Variants in PLXND1 observed in about 807,000 individuals in gnomAD.
PLXND1 encodes the protein plexin-D1.
Under a neutral mutation model 197.7 loss-of-function variants are expected in PLXND1, and 54 were observed. The ratio of observed to expected loss-of-function variants is 0.27; its 90% confidence interval spans 0.22 to 0.34. The LOEUF (loss-of-function observed/expected upper bound fraction) is 0.34, where lower values mean the gene tolerates loss of function less well. Among genes scored for constraint, PLXND1 ranks in the 10% least tolerant of loss-of-function variants. The pLI is 1.00. For synonymous variants in PLXND1, 1,180 were observed against 1,161.2 expected, an observed-to-expected ratio of 1.02 and a Z score of -0.33; for missense variants, 2,127 against 2,699.2, an observed-to-expected ratio of 0.79 and a Z score of 4.70.
chr3:129,560,905 A>T (rs898673291), intron 29 of PLXND1, 182 bp from the exon 30 acceptor site: 12 of 685,562 alleles, frequency 1.8e-5, no homozygotes, highest in Non-Finnish European at 3.2e-5. Flanking sequence ...AGACAGTCAG[A>T]GAGAATGAGA....
rs771323055 is a variant in PLXND1, at chr3:129,557,052, GC to G, written c.5586+30del. The G allele has an allele frequency of 1.2e-5, 20 of 1,610,328 alleles. No individual in the cohort carries two copies. Among genetic ancestry groups the G allele is most frequent in the Admixed American group, 5.0e-5 (3 of 59,944 alleles). On this transcript the variant is annotated intron_variant, in intron 34 of 35. Coordinates refer to ENST00000324093, the MANE Select transcript of PLXND1 (RefSeq NM_015103.3). This position sits in a 1 kb window ranked among gnomAD's most constrained non-coding sequence, Gnocchi z 4.8. ...GACCCCCGATCCCTCAGCTCTTCAG[GC>G]CCCCATCCCCCGCCGCCGAGCCACC...
Position 129,571,600 on chromosome 3 carries a change from C to A in PLXND1, c.3246-1G>T. 1 of 1,613,992 alleles carries A rather than the reference C, an allele frequency of 6.2e-7. No homozygotes were observed. The highest frequency in any genetic ancestry group is 8.5e-7 in the Non-Finnish European group (1 of 1,179,996). On this transcript the variant is annotated splice_acceptor_variant, in intron 16 of 35. Coordinates refer to ENST00000324093, the MANE Select transcript of PLXND1 (RefSeq NM_015103.3). LOFTEE classifies it high-confidence loss of function. ...AGCCACTGTGATGGTCCTGCCGCCA[C>A]TGCGGGGGACAGCAAAACCTATCAG...
rs2084964344 is a variant in PLXND1, at chr3:129,555,753, G to T, written c.*559C>A. The T allele has an allele frequency of 4.1e-6, 2 of 481,940 alleles. No individual in the cohort carries two copies. Among genetic ancestry groups the T allele is most frequent in the African/African-American group, 2.0e-5 (1 of 49,176 alleles). The allele number at this position is 481,940 out of a possible 1,614,324, so 29.9% of individuals were successfully genotyped here. On this transcript the variant is annotated 3_prime_UTR_variant, in exon 36 of 36. Coordinates refer to ENST00000324093, the MANE Select transcript of PLXND1 (RefSeq NM_015103.3). Reference sequence around the variant, plus strand: ...GCGGGCACTGCCCACTCTACCAACAGCCGCCCAAGCAACAAAAATCTGACA... The same window carrying T: ...GCGGGCACTGCCCACTCTACCAACATCCGCCCAAGCAACAAAAATCTGACA...
In PLXND1 at chr3:129,562,915, C is replaced by A. The variant is rs372633629; in HGVS notation, c.4697G>T (p.Gly1566Val). The change falls in exon 27 of 36, where the codon GGC becomes GTC. Residue 1566 changes from glycine to valine, a missense_variant. By Grantham distance (109) the Gly-to-Val change is moderately radical. Around this residue, in one of 6 missense-constraint regions of PLXND1, gnomAD observed 532 missense variants for 811.0 expected, o/e 0.66. Coordinates refer to ENST00000324093, the MANE Select transcript of PLXND1 (RefSeq NM_015103.3). ...RNLNVSFQGC[G>V]MDSLSVRAMD... is the part of the protein sequence containing the mutation. ...GGCCCGCACGCTCAGCGAGTCCATG[C>A]CACAGCCCTGGAAGGACACGTTCAG... 1.9e-6 allele frequency: 3 copies of A among 1,606,478 alleles called. No homozygotes were observed. In the South Asian group the frequency reaches 3.3e-5, roughly 18 times the overall value.
chr3:129,588,442 A>G (rs1474712611), intron 2 of PLXND1, among the ~76,000 whole-genome samples: 1 of 150,720 alleles, frequency 6.6e-6, no homozygotes, highest in Non-Finnish European at 1.5e-5. Context: ...CAAGTCACCA[A>G]GCTGGAAGCA....
At chr3:129,589,153 C>T (rs1398409154) in intron 2 of PLXND1, among the ~76,000 whole-genome samples, 198 bp downstream of exon 2, 2 of 152,194 alleles carry the variant, frequency 1.3e-5, no homozygotes, top group African/African-American at 4.8e-5. Flanking sequence ...TCTGTATGGA[C>T]GCCACCTATA....
intron 2 of PLXND1, 42 bp from the exon 3 acceptor site, chr3:129,586,761 G>A (rs1366343174): frequency 6.3e-7 from 1 of 1,585,614 alleles, no homozygotes; most frequent in East Asian, 2.3e-5. Flanking sequence ...GCCCATAGCA[G>A]GGGAGGCCAA....
Position 129,583,597 on chromosome 3 carries a change from C to T in PLXND1, c.2211G>A (p.Gln737=), listed in dbSNP as rs977596172. The T allele has an allele frequency of 6.2e-7, 1 of 1,613,982 alleles. No individual in the cohort carries two copies. Among genetic ancestry groups the T allele is most frequent in the Non-Finnish European group, 8.5e-7 (1 of 1,179,944 alleles). The change falls in exon 8 of 36, where the codon CAG becomes CAA. Residue 737 remains glutamine, a synonymous_variant. Coordinates refer to ENST00000324093, the MANE Select transcript of PLXND1 (RefSeq NM_015103.3). The part of the protein sequence containing the change: ...CSQQHSCVSN[Q]SRCEASPNPT... Reference sequence around the variant, plus strand: ...GGTTTGGTGAGGCCTCGCACCGAGACTGGTTGGAAACACAGGAGTGCTGCT... The same window carrying T: ...GGTTTGGTGAGGCCTCGCACCGAGATTGGTTGGAAACACAGGAGTGCTGCT...
intron 31 of PLXND1, 46 bp downstream of exon 31, chr3:129,560,284 G>A (rs376001049): frequency 8.1e-7 from 1 of 1,230,400 alleles, no homozygotes; most frequent in Non-Finnish European, 1.2e-6. Flanking sequence ...GCTGGGGCTG[G>A]AGCCTTGTAC....
chr3:129,556,473 G>T, intron 35 of PLXND1, 45 bp from the exon 36 acceptor site: 2 of 1,509,822 alleles, frequency 1.3e-6, no homozygotes, highest in African/African-American at 1.4e-5. Context: ...CGGTAGCCCT[G>T]CCTCAGTTCG....
intron 27 of PLXND1, chr3:129,562,467 G>A (rs1240423834): frequency 2.2e-5 from 6 of 273,588 alleles, no homozygotes; most frequent in East Asian, 7.6e-5. Flanking sequence ...CTGAGATTGC[G>A]CCACTGCACT....
chr3:129,564,527 G>A (rs1272559233), intron 25 of PLXND1, among the ~76,000 whole-genome samples: 2 of 152,230 alleles, frequency 1.3e-5, no homozygotes, highest in African/African-American at 4.8e-5. Flanking sequence ...CCCCGGTTCT[G>A]GGCTCCAGGC....
chr3:129,605,298 C>T (rs2085769147), intron 1 of PLXND1, 31 bp downstream of exon 1: 21 of 1,167,444 alleles, frequency 1.8e-5, no homozygotes, highest in South Asian at 3.2e-5. Flanking sequence ...CCGCCGCCGC[C>T]GCCGCCGCCG....
chr3:129,560,773 A>C, intron 29 of PLXND1, 50 bp from the exon 30 acceptor site: 2 of 1,052,526 alleles, frequency 1.9e-6, no homozygotes, highest in Non-Finnish European at 3.0e-6. Flanking sequence ...AGAGGAGAGA[A>C]ACAGAAATGA....
intron 9 of PLXND1, among the ~76,000 whole-genome samples, chr3:129,576,773 GGCC>G (rs940519464): frequency 1.3e-5 from 2 of 152,170 alleles, no homozygotes; most frequent in Non-Finnish European, 2.9e-5. Context: ...TACCTCAAGG[GGCC>G]GCACACGGTA....
At chr3:129,589,310 T>TGCCAGCCCCCCCCC in intron 2 of PLXND1, 41 bp downstream of exon 2, 1 of 501,294 alleles carries the variant, frequency 2.0e-6, no homozygotes, top group East Asian at 5.1e-5. Flanking sequence ...CAGGGGAGCC[T>TGCCAGCCCCCCCCC]CCCACCCCCA....
At chr3:129,581,332 A>T (rs1578337552) in intron 8 of PLXND1, among the ~76,000 whole-genome samples, 1 of 151,998 alleles carries the variant, frequency 6.6e-6, no homozygotes. Flanking sequence ...CTGTGCCTCC[A>T]CCCCAGCTCC....
intron 1 of PLXND1, among the ~76,000 whole-genome samples, chr3:129,596,324 C>G (rs1328410108): frequency 6.6e-6 from 1 of 152,182 alleles, no homozygotes; most frequent in Non-Finnish European, 1.5e-5. Flanking sequence ...TCGGCCTGCT[C>G]TGCCCTGGCG....
chr3:129,570,490 G>A (rs903906859), intron 19 of PLXND1, among the ~76,000 whole-genome samples: 8 of 152,162 alleles, frequency 5.3e-5, no homozygotes, highest in Non-Finnish European at 1.2e-4. Flanking sequence ...GCCTCTACAT[G>A]GTGCCTGGCA....
Sources: gnomAD v4.1 joint callset for allele counts (sites outside exome capture counted in the v4.1 genomes callset) on GRCh38, gnomAD v4.1.1 for gene constraint, gnomAD v4.1.1 regional missense constraint, Gnocchi (gnomAD v3.1) non-coding constraint, MANE v1.5 for transcripts, NCBI Gene and HGNC (gene_info 2026-07-23, HGNC 2026-07-21) for gene names.